The following NR2F6 variants were observed in gnomAD, a reference collection of about 807,000 sequenced individuals.
NR2F6 encodes ERBA-related gene-2.
Under a neutral mutation model 26.5 loss-of-function variants are expected in NR2F6, and 16 were observed. The observed-to-expected ratio is 0.60, with a 90% confidence interval of 0.41 to 0.92. NR2F6 has a LOEUF of 0.92. Ranked by LOEUF, NR2F6 falls within the 40% of genes least tolerant of loss-of-function variation. The pLI is 0.00. For synonymous variants in NR2F6, 325 were observed against 305.0 expected (o/e 1.07, Z -0.68); for missense variants, 536 against 631.7 (o/e 0.85, Z 1.62).
chr19:17,245,184 C>G lies in NR2F6; in HGVS notation c.37G>C (p.Gly13Arg). 1 of 1,388,682 alleles carries G rather than the reference C, an allele frequency of 7.2e-7. No individual in the cohort carries two copies. Among genetic ancestry groups the G allele is most frequent in the Non-Finnish European group, 9.4e-7 (1 of 1,068,662 alleles). The allele number at this position is 1,388,682 out of a possible 1,614,324, so 86.0% of individuals were successfully genotyped here. A position where few individuals can be genotyped will look rare whatever the true frequency, so the allele number is the denominator to read the frequency against. Residue 13 changes from glycine to arginine, a missense_variant, in exon 1 of 4, where the codon GGC (glycine) becomes CGC (arginine). Gly to Arg is a moderately radical substitution (Grantham distance 125). Transcript: ENST00000291442. This position sits in a 1 kb window ranked among gnomAD's most constrained non-coding sequence, Gnocchi z 5.0. ...MVTGGWGGPG[G>R]DTNGVDKAGG... ...GCCTTGTCCACGCCGTTCGTGTCGCCGCCGGGGCCGCCCCAGCCGCCGGTC... is the reference window on the plus strand; with the variant it reads ...GCCTTGTCCACGCCGTTCGTGTCGCGGCCGGGGCCGCCCCAGCCGCCGGTC...
At chr19:17,241,861 C>A (rs1233292921) in intron 1 of NR2F6, among the ~76,000 whole-genome samples, 1 of 151,258 alleles carries the variant, frequency 6.6e-6, no homozygotes, top group Non-Finnish European at 1.5e-5. Context: ...ACTAAAAATA[C>A]AAAAATGAGC....
Position 17,244,973 on chromosome 19 carries a change from C to G in NR2F6, c.248G>C (p.Ser83Thr), listed in dbSNP as rs12974411. 9 of 1,570,486 alleles carry G rather than the reference C, an allele frequency of 5.7e-6. No individual in the cohort carries two copies. The highest frequency in any genetic ancestry group is 7.8e-6 in the Non-Finnish European group (9 of 1,158,576). The change falls in exon 1 of 4, where the codon AGC becomes ACC. Residue 83 changes from serine (S) to threonine (T), a missense_variant. Ser to Thr is a moderately conservative substitution (Grantham distance 58). Coordinates refer to ENST00000291442, the MANE Select transcript of NR2F6 (RefSeq NM_005234.4). ...GGTGTAGCTGAGGTTGCGGCGGATG[C>G]TTCGCTTGAAAAAGCTCTTGCAGCC... ...CEGCKSFFKRSIRRNLSYTCR... is the reference protein window; with the variant it reads ...CEGCKSFFKRTIRRNLSYTCR...
In NR2F6 at chr19:17,245,252, A is replaced by G; in HGVS notation, c.-32T>C. The G allele has an allele frequency of 5.7e-6, 7 of 1,229,206 alleles. No homozygotes were observed. Among genetic ancestry groups the G allele is most frequent in the Non-Finnish European group, 7.1e-6 (7 of 989,186 alleles). The allele number at this position is 1,229,206 out of a possible 1,614,324, so 76.1% of individuals were successfully genotyped here. On this transcript the variant is annotated 5_prime_UTR_variant, in exon 1 of 4. Coordinates refer to ENST00000291442, the MANE Select transcript of NR2F6 (RefSeq NM_005234.4). This position sits in a 1 kb window ranked among gnomAD's most constrained non-coding sequence, Gnocchi z 5.0. Reference sequence around the variant, plus strand: ...AGGGCAGCGGGGCCGGGGCGCCCCCACCGCGCTCTTCCCTCCGGGCACCCC... The same window carrying G: ...AGGGCAGCGGGGCCGGGGCGCCCCCGCCGCGCTCTTCCCTCCGGGCACCCC...
In NR2F6 at chr19:17,235,472, C is replaced by T. The variant is rs778465904; in HGVS notation, c.940+27G>A. 7.7e-6 allele frequency: 12 copies of T among 1,555,036 alleles called. No homozygotes were observed. The South Asian group carries it at 9.3e-5, about 12-fold the overall frequency. On this transcript the variant is annotated intron_variant, in intron 3 of 3. Transcript: ENST00000291442. This position sits in a 1 kb window ranked among gnomAD's most constrained non-coding sequence, Gnocchi z 5.0. ...TAACCTCCCTTGGGTCCCCCCATCC[C>T]GCGGCCCTCTTCGGAGCGTGGCTCA...
chr19:17,238,148 A>G (rs2073449711), intron 2 of NR2F6, among the ~76,000 whole-genome samples: 1 of 152,190 alleles, frequency 6.6e-6, no homozygotes, highest in African/African-American at 2.4e-5. Flanking sequence ...GATGTCACCA[A>G]TCACTGAATT....
Position 17,237,394 on chromosome 19 carries a change from CCTCT to C in NR2F6, c.374-1333_374-1330del, listed in dbSNP as rs1297543186. On this transcript the variant is annotated intron_variant, in intron 2 of 3. Transcript: ENST00000291442. ...CCTCCCTTCTTTCCTTTCCTTTCTT[CCTCT>C]CTCTCTCTCTCCCTCTCTCTCTCTC... 3.7e-5 allele frequency among the ~76,000 whole-genome samples: 5 copies of C among 136,838 alleles called. No homozygotes were observed. In the East Asian group the frequency reaches 7.4e-4, roughly 20 times the overall value. 89.8% of individuals were successfully genotyped at this position (136,838 alleles called of 152,430 possible).
At chr19:17,241,126 A>T (rs775437686) in intron 1 of NR2F6, among the ~76,000 whole-genome samples, 29 of 152,200 alleles carry the variant, frequency 1.9e-4, no homozygotes, top group Non-Finnish European at 3.8e-4. Context: ...ATGGAGGCCT[A>T]AAGAGTTTCA....
intron 1 of NR2F6, chr19:17,244,243 G>A (rs951612292): frequency 1.3e-5 from 2 of 152,548 alleles, no homozygotes; most frequent in Non-Finnish European, 1.5e-5. Flanking sequence ...CCCTGGGGGA[G>A]AGGGACGTTT....
At chr19:17,244,043 G>A (rs762012658) in intron 1 of NR2F6, among the ~76,000 whole-genome samples, 4 of 152,096 alleles carry the variant, frequency 2.6e-5, no homozygotes, top group Non-Finnish European at 4.4e-5. Context: ...AAGAACTCCC[G>A]GGCTGGACAA....
intron 3 of NR2F6, among the ~76,000 whole-genome samples, chr19:17,234,322 G>C (rs2073424136): frequency 6.6e-6 from 1 of 152,098 alleles, no homozygotes; most frequent in Admixed American, 6.6e-5. Flanking sequence ...CTCAAGTGCA[G>C]TGGGAAAATC....
chr19:17,235,727 T>C lies in NR2F6; in HGVS notation c.712A>G (p.Ser238Gly). 1 of 1,502,042 alleles carries C rather than the reference T, an allele frequency of 6.7e-7. No individual in the cohort carries two copies. Among genetic ancestry groups the C allele is most frequent in the Non-Finnish European group, 8.8e-7 (1 of 1,134,244 alleles). 93.0% of individuals were successfully genotyped at this position (1,502,042 alleles called of 1,614,324 possible). Residue 238 changes from serine (S) to glycine (G), a missense_variant, in exon 3 of 4, where the codon AGC (serine) becomes GGC (glycine). Coordinates refer to ENST00000291442, the MANE Select transcript of NR2F6 (RefSeq NM_005234.4). The surrounding 1 kb of genome is among the most constrained non-coding windows in gnomAD (Gnocchi z 5.0). ...VADQVALLRL[S>G]WSELFVLNAA... is the part of the protein sequence containing the mutation. ...TTCAGCACGAAGAGCTCGCTCCAGCTCAGGCGCAGCAGCGCCACCTGGTCG... is the reference window on the plus strand; with the variant it reads ...TTCAGCACGAAGAGCTCGCTCCAGCCCAGGCGCAGCAGCGCCACCTGGTCG...
chr19:17,234,633 G>A (rs2073425673), intron 3 of NR2F6, among the ~76,000 whole-genome samples: 1 of 152,066 alleles, frequency 6.6e-6, no homozygotes, highest in Non-Finnish European at 1.5e-5. Context: ...AGGACTGGTT[G>A]CGCCCAGAAG....
Position 17,232,156 on chromosome 19 carries a change from G to T in NR2F6, c.*196C>A. 1 of 783,048 alleles carries T rather than the reference G, an allele frequency of 1.3e-6. No homozygotes were observed. Among genetic ancestry groups the T allele is most frequent in the Non-Finnish European group, 2.0e-6 (1 of 508,024 alleles). The allele number at this position is 783,048 out of a possible 1,614,324, so 48.5% of individuals were successfully genotyped here. ...CCTGGGGAGGATGAGGCTGAGGCCTGGATGATCAGTCTCTTTTTGGTTTCA... is the reference window on the plus strand; with the variant it reads ...CCTGGGGAGGATGAGGCTGAGGCCTTGATGATCAGTCTCTTTTTGGTTTCA... On this transcript the variant is annotated 3_prime_UTR_variant, in exon 4 of 4. Coordinates refer to ENST00000291442, the MANE Select transcript of NR2F6 (RefSeq NM_005234.4).
intron 3 of NR2F6, among the ~76,000 whole-genome samples, chr19:17,234,309 A>G (rs2073424060): frequency 6.6e-6 from 1 of 152,082 alleles, no homozygotes; most frequent in Non-Finnish European, 1.5e-5. Flanking sequence ...TCTGTTGCGC[A>G]GGCTCAAGTG....
Position 17,232,457 on chromosome 19 carries a change from C to G in NR2F6, c.1110G>C (p.Gln370His). Residue 370 changes from glutamine to histidine, a missense_variant, in exon 4 of 4, where the codon CAG becomes CAC. By Grantham distance (24) the Gln-to-His change is conservative (BLOSUM62 0). Coordinates refer to ENST00000291442, the MANE Select transcript of NR2F6 (RefSeq NM_005234.4). ...TCCCCACCAGGCGCATGAAGAACAG[C>G]TGGGAGATGAGGGAGGCAGGGACCG... ...LRAVPASLIS[Q>H]LFFMRLVGKT... 6.2e-7 allele frequency: 1 copy of G among 1,614,058 alleles called. No individual in the cohort carries two copies. The highest frequency in any genetic ancestry group is 8.5e-7 in the Non-Finnish European group (1 of 1,179,994).
rs1424802956 is a variant in NR2F6, at chr19:17,245,841, T to TGCGCCTGGGCCC, written c.-633_-622dup. The TGCGCCTGGGCCC allele has an allele frequency of 6.8e-6, 1 of 146,222 alleles. No homozygotes were observed. Among genetic ancestry groups the TGCGCCTGGGCCC allele is most frequent in the Non-Finnish European group, 1.5e-5 (1 of 65,964 alleles). 9.1% of individuals were successfully genotyped at this position (146,222 alleles called of 1,614,324 possible). ...CGGCCGCTCCTGCCTGGCCTGGGCC[T>TGCGCCTGGGCCC]GCGCCTGGGCCCAAGCCTCGCTCTC... On this transcript the variant is annotated 5_prime_UTR_variant, in exon 1 of 4. Coordinates refer to ENST00000291442, the MANE Select transcript of NR2F6 (RefSeq NM_005234.4). The surrounding 1 kb of genome is among the most constrained non-coding windows in gnomAD (Gnocchi z 5.0).
In NR2F6 at chr19:17,235,454, C is replaced by T; in HGVS notation, c.940+45G>A. 6.5e-7 allele frequency: 1 copy of T among 1,539,644 alleles called. No homozygotes were observed. ...TCCAGGCCGCCCTCCTCCTAACCTC[C>T]CTTGGGTCCCCCCATCCCGCGGCCC... On this transcript the variant is annotated intron_variant, in intron 3 of 3. Coordinates refer to ENST00000291442, the MANE Select transcript of NR2F6 (RefSeq NM_005234.4). The surrounding 1 kb of genome is among the most constrained non-coding windows in gnomAD (Gnocchi z 5.0).
rs1197622211 is a variant in NR2F6, at chr19:17,235,479, C to T, written c.940+20G>A. The T allele has an allele frequency of 6.4e-7, 1 of 1,564,452 alleles. No homozygotes were observed. The highest frequency in any genetic ancestry group is 1.8e-5 in the Admixed American group (1 of 54,814). The stretch of plus-strand genomic sequence containing the variant: ...CCTTGGGTCCCCCCATCCCGCGGCC[C>T]TCTTCGGAGCGTGGCTCACCGGGCG... On this transcript the variant is annotated intron_variant, in intron 3 of 3. Transcript: ENST00000291442. This position sits in a 1 kb window ranked among gnomAD's most constrained non-coding sequence, Gnocchi z 5.0.
At chr19:17,241,416 G>A (rs1307712573) in intron 1 of NR2F6, among the ~76,000 whole-genome samples, 1 of 152,236 alleles carries the variant, frequency 6.6e-6, no homozygotes, top group Non-Finnish European at 1.5e-5. Context: ...ATGCAAGCTG[G>A]AGATTTTCCT....
Sources: allele counts gnomAD v4.1 joint callset (sites outside exome capture counted in the v4.1 genomes callset), GRCh38; gene constraint gnomAD v4.1.1; non-coding constraint Gnocchi (gnomAD v3.1); transcripts MANE v1.5; gene names NCBI Gene and HGNC (gene_info 2026-07-23, HGNC 2026-07-21).